Variants in DOK6 observed in about 807,000 individuals in gnomAD.
DOK6 encodes downstream of tyrosine kinase 6.
Under a neutral mutation model 44.0 loss-of-function variants are expected in DOK6, and 22 were observed. That is an observed-to-expected ratio of 0.50 (90% CI 0.36 to 0.71). The LOEUF is 0.71. Among genes scored for constraint, DOK6 ranks in the 30% least tolerant of loss-of-function variants. DOK6 has a pLI of 0.00. For synonymous variants in DOK6, 166 were observed against 145.5 expected, an observed-to-expected ratio of 1.14 and a Z score of -1.01; for missense variants, 340 against 416.4, an observed-to-expected ratio of 0.82 and a Z score of 1.60.
intron 3 of DOK6, among the ~76,000 whole-genome samples, chr18:69,621,774 G>C (rs1396031365): frequency 5.3e-5 from 8 of 152,100 alleles, no homozygotes; most frequent in Non-Finnish European, 1.0e-4. Flanking sequence ...TGATTATTTG[G>C]ATACCTTTCT....
At chr18:69,513,314 A>T (rs1239696634) in intron 1 of DOK6, among the ~76,000 whole-genome samples, 2 of 152,212 alleles carry the variant, frequency 1.3e-5, no homozygotes, top group Non-Finnish European at 2.9e-5. Flanking sequence ...TTCTAGCCTG[A>T]CTGCTAATAC....
intron 1 of DOK6, among the ~76,000 whole-genome samples, chr18:69,502,795 T>C (rs953337436): frequency 6.6e-6 from 1 of 152,128 alleles, no homozygotes; most frequent in Non-Finnish European, 1.5e-5. Context: ...CTATGAATAA[T>C]ATTACAAATA....
chr18:69,822,916 G>A (rs905784657), intron 7 of DOK6, among the ~76,000 whole-genome samples: 6 of 152,064 alleles, frequency 3.9e-5, no homozygotes, highest in Non-Finnish European at 7.4e-5. Context: ...AGCATACATT[G>A]ACAATCACAT....
In DOK6 at chr18:69,763,438, G is replaced by A. The variant is rs117735671; in HGVS notation, c.856+5565G>A. ...CTCTAGACTGAGGGAAACCTAAACCGTAAAGGGATGAACATGATTTTAAAC... is the reference window on the plus strand; with the variant it reads ...CTCTAGACTGAGGGAAACCTAAACCATAAAGGGATGAACATGATTTTAAAC... On this transcript the variant is annotated intron_variant, in intron 7 of 7. Coordinates refer to ENST00000382713, the MANE Select transcript of DOK6 (RefSeq NM_152721.6). 4.4e-3 allele frequency among the ~76,000 whole-genome samples: 677 copies of A among 152,266 alleles called. 2 individuals carry two copies. Among genetic ancestry groups the A allele is most frequent in the Non-Finnish European group, 7.3e-3 (496 of 68,016 alleles).
intron 7 of DOK6, among the ~76,000 whole-genome samples, chr18:69,840,818 T>A (rs1293668880): frequency 6.6e-6 from 1 of 152,248 alleles, no homozygotes; most frequent in African/African-American, 2.4e-5. Flanking sequence ...TAAGAAAGTG[T>A]GTAATTTGCT....
At chr18:69,637,144 A>G (rs575669631) in intron 3 of DOK6, among the ~76,000 whole-genome samples, 2 of 152,326 alleles carry the variant, frequency 1.3e-5, no homozygotes, top group African/African-American at 2.4e-5. Flanking sequence ...ATCTGTCTTA[A>G]CCAGGTTATT....
At chr18:69,417,460 A>G (rs1340753113) in intron 1 of DOK6, among the ~76,000 whole-genome samples, 1 of 152,060 alleles carries the variant, frequency 6.6e-6, no homozygotes, top group African/African-American at 2.4e-5. Context: ...TTTTTCATTC[A>G]TCCATTGATG....
chr18:69,552,383 T>G (rs1938008636), intron 1 of DOK6, among the ~76,000 whole-genome samples: 1 of 152,030 alleles, frequency 6.6e-6, no homozygotes, highest in South Asian at 2.1e-4. Context: ...TATTCTATAT[T>G]AAATTTATAT....
intron 1 of DOK6, among the ~76,000 whole-genome samples, chr18:69,505,418 T>C (rs142750612): frequency 1.3e-4 from 19 of 151,222 alleles, no homozygotes; most frequent in Non-Finnish European, 2.4e-4. Flanking sequence ...AAAAAACCTG[T>C]GGTGGAGCGG....
intron 3 of DOK6, among the ~76,000 whole-genome samples, chr18:69,653,999 G>A (rs955719519): frequency 6.6e-6 from 1 of 152,126 alleles, no homozygotes; most frequent in African/African-American, 2.4e-5. Context: ...TGAATGACAA[G>A]ATGGAAAACT....
intron 1 of DOK6, among the ~76,000 whole-genome samples, chr18:69,409,139 C>T (rs1283492177): frequency 1.3e-5 from 2 of 152,126 alleles, no homozygotes; most frequent in Admixed American, 6.6e-5. Flanking sequence ...TAAGGGGCTT[C>T]CCCCTTCACT....
intron 2 of DOK6, among the ~76,000 whole-genome samples, chr18:69,585,695 AG>A (rs1983483209): frequency 6.6e-6 from 1 of 152,208 alleles, no homozygotes; most frequent in Non-Finnish European, 1.5e-5. Flanking sequence ...GGTTGTGTGT[AG>A]GGATACACTG....
At chr18:69,527,162 C>T (rs1346270779) in intron 1 of DOK6, among the ~76,000 whole-genome samples, 1 of 152,136 alleles carries the variant, frequency 6.6e-6, no homozygotes, top group African/African-American at 2.4e-5. Context: ...GTCTTACAGT[C>T]TTCATTCATT....
intron 1 of DOK6, among the ~76,000 whole-genome samples, chr18:69,445,256 T>C (rs1979251863): frequency 6.6e-6 from 1 of 152,196 alleles, no homozygotes; most frequent in Admixed American, 6.6e-5. Flanking sequence ...TATTATTAGG[T>C]TTACCTATAG....
chr18:69,638,691 C>T (rs947332691), intron 3 of DOK6, among the ~76,000 whole-genome samples: 8 of 152,100 alleles, frequency 5.3e-5, no homozygotes, highest in African/African-American at 1.7e-4. Flanking sequence ...TATATGAACC[C>T]TTAAATGATT....
At chr18:69,566,264 G>T (rs1982979390) in intron 2 of DOK6, among the ~76,000 whole-genome samples, 1 of 152,002 alleles carries the variant, frequency 6.6e-6, no homozygotes, top group Non-Finnish European at 1.5e-5. Flanking sequence ...AGCCTCCCGA[G>T]TAGCTGGGAC....
rs1169311818 is a variant in DOK6 at position 69,657,130 on chromosome 18, A to T, written c.290-20604A>T. Among the ~76,000 whole-genome samples the T allele has an allele frequency of 2.0e-5, 3 of 152,228 alleles. No homozygotes were observed. The East Asian group carries it at 5.8e-4, about 29-fold the overall frequency. On this transcript the variant is annotated intron_variant, in intron 3 of 7. Coordinates refer to ENST00000382713, the MANE Select transcript of DOK6 (RefSeq NM_152721.6). ...AATTGAATTGAAAACCTAGTTATAT[A>T]CTTTTTACAAGATAAATGCACATAA...
At chr18:69,714,249 G>A (rs1195065512) in intron 5 of DOK6, among the ~76,000 whole-genome samples, 1 of 152,126 alleles carries the variant, frequency 6.6e-6, no homozygotes, top group Non-Finnish European at 1.5e-5. Flanking sequence ...ACTACAGTTG[G>A]GATATTAAAT....
At chr18:69,764,104 A>T (rs1568119685) in intron 7 of DOK6, among the ~76,000 whole-genome samples, 2 of 152,056 alleles carry the variant, frequency 1.3e-5, no homozygotes, top group Non-Finnish European at 2.9e-5. Flanking sequence ...TGCTACTACT[A>T]GTCTTTATTT....
Sources: allele counts gnomAD v4.1 joint callset (sites outside exome capture counted in the v4.1 genomes callset), GRCh38; gene constraint gnomAD v4.1.1; transcripts MANE v1.5; gene names NCBI Gene and HGNC (gene_info 2026-07-23, HGNC 2026-07-21).